IL1RAPL2: variants seen among roughly 807,000 people sequenced by gnomAD.
IL1RAPL2 encodes interleukin 1 receptor accessory protein like 2.
Under a neutral mutation model 44.1 loss-of-function variants are expected in IL1RAPL2, and 3 were observed. That is an observed-to-expected ratio of 0.07 (90% confidence interval 0.03 to 0.18). The LOEUF (loss-of-function observed/expected upper bound fraction) is 0.18. Among genes scored for constraint, IL1RAPL2 ranks in the 10% least tolerant of loss-of-function variants. The probability of loss-of-function intolerance (pLI) is 1.00; values close to 1 mark genes in which losing one functional copy is unlikely to be tolerated. For missense variants in IL1RAPL2, 391 were observed against 496.4 expected, an observed-to-expected ratio of 0.79 and a Z score of 2.02; for synonymous variants, 181 against 178.8, an observed-to-expected ratio of 1.01 and a Z score of -0.10.
At chrX:104,809,615 A>T (rs1382610924) in intron 2 of IL1RAPL2, among the ~76,000 whole-genome samples, 2 of 108,845 alleles carry the variant, frequency 1.8e-5, no homozygotes, top group Non-Finnish European at 3.8e-5. Context: ...TTCATTGTAG[A>T]TTCTGGATAT....
chrX:105,416,774 G>A (rs770425905), intron 5 of IL1RAPL2, among the ~76,000 whole-genome samples: 14 of 111,255 alleles, frequency 1.3e-4, no homozygotes, highest in Non-Finnish European at 2.4e-4. Flanking sequence ...CTTCTGTTTC[G>A]CTTGCTTCTC....
intron 5 of IL1RAPL2, among the ~76,000 whole-genome samples, chrX:105,320,400 G>C (rs2034888274): frequency 8.9e-6 from 1 of 111,754 alleles, no homozygotes. Flanking sequence ...AGAAGAAATG[G>C]CTGCCTACTA....
chrX:105,064,177 G>A (rs2032108681), intron 2 of IL1RAPL2, among the ~76,000 whole-genome samples: 1 of 112,134 alleles, frequency 8.9e-6, no homozygotes, highest in African/African-American at 3.2e-5. Context: ...TGCTATTTGG[G>A]AACCAAGGAG....
At chrX:104,700,100 A>G (rs929092996) in intron 2 of IL1RAPL2, among the ~76,000 whole-genome samples, 4 of 111,978 alleles carry the variant, frequency 3.6e-5, no homozygotes, top group African/African-American at 1.3e-4. Context: ...ATACTGATAT[A>G]CCAATATTAT....
At chrX:105,355,100 C>T (rs1223555430) in intron 5 of IL1RAPL2, among the ~76,000 whole-genome samples, 1 of 111,663 alleles carries the variant, frequency 9.0e-6, no homozygotes, top group African/African-American at 3.2e-5. Flanking sequence ...CTCCTTGTTC[C>T]ACCATGCAAT....
chrX:105,484,341 A>G lies in IL1RAPL2; in HGVS notation c.726A>G (p.Pro242=). The change falls in exon 6 of 11, where the codon CCA becomes CCG. Residue 242 remains proline (P), a synonymous_variant. Coordinates refer to ENST00000372582, the MANE Select transcript of IL1RAPL2 (RefSeq NM_017416.2). ...TALLTDKPPK[P]LFPMENQPSV... ...TACTCACAGACAAGCCTCCCAAGCC[A>G]TTGTTCCCCATGGAGAATCAGCCAA... 1.7e-6 allele frequency: 2 copies of G among 1,206,834 alleles called. No homozygotes were observed. The highest frequency in any genetic ancestry group is 2.2e-6 in the Non-Finnish European group (2 of 891,049).
chrX:104,774,846 A>C (rs1228009776), intron 2 of IL1RAPL2, among the ~76,000 whole-genome samples: 3 of 112,348 alleles, frequency 2.7e-5, no homozygotes, highest in African/African-American at 9.7e-5. Context: ...AATATCTGTA[A>C]ATTACTAAGA....
chrX:105,302,740 G>A (rs757953136), intron 5 of IL1RAPL2, among the ~76,000 whole-genome samples: 4 of 111,942 alleles, frequency 3.6e-5, no homozygotes, highest in African/African-American at 9.7e-5. Flanking sequence ...TCCCTTGGGC[G>A]CTCTCACTAG....
At chrX:104,970,975 C>T (rs1220143115) in intron 2 of IL1RAPL2, among the ~76,000 whole-genome samples, 3 of 111,794 alleles carry the variant, frequency 2.7e-5, no homozygotes, top group Admixed American at 9.5e-5. Context: ...CTAGAACTTT[C>T]GTAATATAGA....
chrX:105,513,831 T>C (rs1034459891), intron 6 of IL1RAPL2, among the ~76,000 whole-genome samples: 4 of 102,168 alleles, frequency 3.9e-5, no homozygotes, highest in African/African-American at 1.8e-4. Context: ...GTTTTAGACA[T>C]GAAATATTTG....
chrX:104,710,882 G>A (rs1931444674), intron 2 of IL1RAPL2, among the ~76,000 whole-genome samples: 1 of 111,136 alleles, frequency 9.0e-6, no homozygotes, highest in East Asian at 2.9e-4. Context: ...AGTACTTAAT[G>A]CTTGATAGTG....
chrX:104,919,517 G>A (rs1924564883), intron 2 of IL1RAPL2, among the ~76,000 whole-genome samples: 1 of 87,102 alleles, frequency 1.1e-5, no homozygotes, highest in African/African-American at 4.4e-5. Flanking sequence ...AAGCCACCAC[G>A]CCTGGCTTTT....
intron 5 of IL1RAPL2, among the ~76,000 whole-genome samples, chrX:105,447,512 T>C (rs1197540883): frequency 5.4e-5 from 4 of 74,490 alleles, no homozygotes; most frequent in Non-Finnish European, 8.9e-5. Flanking sequence ...TATATTTATA[T>C]AAATATAAAT....
chrX:104,996,816 G>A (rs910029422), intron 2 of IL1RAPL2, among the ~76,000 whole-genome samples: 7 of 111,461 alleles, frequency 6.3e-5, no homozygotes, highest in African/African-American at 2.0e-4. Context: ...AACTGAAGTA[G>A]AGAAAGACTG....
chrX:105,620,457 GA>G lies in IL1RAPL2; in HGVS notation c.773-96909del, dbSNP rs753798143. ...GGATCACCTAGTAGGTCCAAGTCCTGAGATAAAGTGCTTTATATGGCTTATC... is the reference window on the plus strand; with the variant it reads ...GGATCACCTAGTAGGTCCAAGTCCTGGATAAAGTGCTTTATATGGCTTATC... On this transcript the variant is annotated intron_variant, in intron 6 of 10. Transcript: ENST00000372582. Among the ~76,000 whole-genome samples the G allele has an allele frequency of 8.3e-4, 92 of 110,618 alleles. 1 individual carries two copies. The highest frequency in any genetic ancestry group is 2.3e-3 in the African/African-American group (70 of 30,553).
chrX:105,048,716 C>T (rs1483188718), intron 2 of IL1RAPL2, among the ~76,000 whole-genome samples: 1 of 111,507 alleles, frequency 9.0e-6, no homozygotes, highest in African/African-American at 3.3e-5. Context: ...ATGAAGTAGT[C>T]TTGAAAACAA....
chrX:105,344,193 C>A (rs2035093079), intron 5 of IL1RAPL2, among the ~76,000 whole-genome samples: 1 of 112,165 alleles, frequency 8.9e-6, no homozygotes, highest in African/African-American at 3.2e-5. Flanking sequence ...CCGCTCCTGG[C>A]CTTTATTGTC....
intron 2 of IL1RAPL2, among the ~76,000 whole-genome samples, chrX:105,082,599 A>G (rs1248017076): frequency 9.0e-6 from 1 of 111,359 alleles, no homozygotes; most frequent in East Asian, 2.8e-4. Context: ...CTTCTAGAGG[A>G]AAGAACAGGC....
At chrX:104,592,167 G>A (rs1928681600) in intron 1 of IL1RAPL2, among the ~76,000 whole-genome samples, 1 of 103,285 alleles carries the variant, frequency 9.7e-6, no homozygotes, top group African/African-American at 3.5e-5. Flanking sequence ...GTGTGTGTGT[G>A]TGTGTGTGTG....
Sources: allele counts gnomAD v4.1 joint callset (sites outside exome capture counted in the v4.1 genomes callset), GRCh38; gene constraint gnomAD v4.1.1; transcripts MANE v1.5; gene names NCBI Gene and HGNC (gene_info 2026-07-23, HGNC 2026-07-21).